The following AHI1 variants were observed in gnomAD, a reference collection of about 807,000 sequenced individuals.
AHI1 encodes Abelson helper integration site 1.
A neutral mutation model predicts 149.3 loss-of-function variants in AHI1; 123 were observed. The ratio of observed to expected loss-of-function variants is 0.82; its 90% confidence interval spans 0.71 to 0.96. The LOEUF is 0.96. Among genes scored for constraint, AHI1 ranks in the 40% least tolerant of loss-of-function variants. The pLI is 0.00. For missense variants in AHI1, 1,439 were observed against 1,422.7 expected (o/e 1.01, Z -0.18); for synonymous variants, 475 against 459.8 (o/e 1.03, Z -0.42).
intron 23 of AHI1, among the ~76,000 whole-genome samples, chr6:135,392,186 C>T (rs1778605070): frequency 6.6e-6 from 1 of 152,150 alleles, no homozygotes; most frequent in Non-Finnish European, 1.5e-5. Context: ...TTCCTGAAGG[C>T]AGAGACTGTA....
At chr6:135,423,824 C>T (rs1231072976) in intron 20 of AHI1, among the ~76,000 whole-genome samples, 1 of 152,068 alleles carries the variant, frequency 6.6e-6, no homozygotes. Flanking sequence ...TCAGTATTAA[C>T]TCTGGTTCAG....
chr6:135,460,630 G>C (rs1313504801), intron 8 of AHI1, among the ~76,000 whole-genome samples: 3 of 152,144 alleles, frequency 2.0e-5, no homozygotes, highest in African/African-American at 7.2e-5. Flanking sequence ...GAATAGCCTA[G>C]ACAATGCAGA....
chr6:135,388,172 G>T, intron 23 of AHI1: 1 of 891,538 alleles, frequency 1.1e-6, no homozygotes, highest in Non-Finnish European at 1.7e-6. Flanking sequence ...CTACAATAGT[G>T]AATTAATGCC....
At chr6:135,440,673 C>T (rs1425438017) in intron 14 of AHI1, among the ~76,000 whole-genome samples, 2 of 152,128 alleles carry the variant, frequency 1.3e-5, no homozygotes, top group Non-Finnish European at 2.9e-5. Context: ...GTAGACCTAT[C>T]CACTCAAGTA....
chr6:135,481,040 T>C (rs990933172), intron 5 of AHI1, among the ~76,000 whole-genome samples: 1 of 152,004 alleles, frequency 6.6e-6, no homozygotes, highest in Non-Finnish European at 1.5e-5. Flanking sequence ...GCCAAAAAGG[T>C]TGGGGACGGC....
chr6:135,417,894 T>C (rs1424750943), intron 20 of AHI1, among the ~76,000 whole-genome samples: 1 of 152,202 alleles, frequency 6.6e-6, no homozygotes, highest in East Asian at 1.9e-4. Context: ...CTATATAGAT[T>C]TCATTGTAAA....
intron 27 of AHI1, among the ~76,000 whole-genome samples, chr6:135,296,014 G>A (rs991895814): frequency 3.9e-5 from 6 of 152,082 alleles, no homozygotes; most frequent in South Asian, 2.1e-4. Flanking sequence ...CACCATGTCC[G>A]GCTAATTTTT....
At chr6:135,305,075 T>G (rs940018141) in intron 26 of AHI1, 34 of 152,154 alleles carry the variant, frequency 2.2e-4, no homozygotes, top group African/African-American at 8.0e-4. Flanking sequence ...CAATGAAGAC[T>G]GAAGAATGGG....
intron 20 of AHI1, among the ~76,000 whole-genome samples, chr6:135,421,929 A>G (rs1219166146): frequency 6.6e-6 from 1 of 152,212 alleles, no homozygotes; most frequent in Non-Finnish European, 1.5e-5. Flanking sequence ...ACTATTAGGT[A>G]TATTTTAATG....
intron 24 of AHI1, among the ~76,000 whole-genome samples, chr6:135,334,579 T>C (rs1789087544): frequency 6.6e-6 from 1 of 152,262 alleles, no homozygotes; most frequent in African/African-American, 2.4e-5. Flanking sequence ...ACAATTCACA[T>C]ACTTTATTAT....
At position 135,433,440 on chromosome 6, in the gene AHI1, CAT is replaced by C. The variant is rs144408389; in HGVS notation, c.2037-186_2037-185del. Among the ~76,000 whole-genome samples, 3,714 of 152,184 alleles carry C rather than the reference CAT, an allele frequency of 0.024. 64 individuals are homozygous for C. Among genetic ancestry groups the C allele is most frequent in the East Asian group, 0.054 (280 of 5,188 alleles). Reference sequence around the variant, plus strand: ...TCATATTTGATGACTGGAATTTTCACATGTGACAAAGTTATTTGTTATAGTTA... The same window carrying C: ...TCATATTTGATGACTGGAATTTTCACGTGACAAAGTTATTTGTTATAGTTA... On this transcript the variant is annotated intron_variant, in intron 15 of 28. Transcript: ENST00000265602.
rs901145291 is a variant in AHI1, at chr6:135,284,376, A to C, written c.*1269T>G. The C allele has an allele frequency of 6.6e-6, 1 of 152,288 alleles. No individual in the cohort carries two copies. The highest frequency in any genetic ancestry group is 1.9e-4 in the East Asian group (1 of 5,192). The allele number at this position is 152,288 out of a possible 1,614,324, so 9.4% of individuals were successfully genotyped here. ...CCCAACATTGTTTTTCTCACTTCTT[A>C]TTTTAATGGAATTGACTGTCTAATT... On this transcript the variant is annotated 3_prime_UTR_variant, in exon 29 of 29. Coordinates refer to ENST00000265602, the MANE Select transcript of AHI1 (RefSeq NM_001134831.2).
Position 135,323,222 on chromosome 6 carries a change from A to C in AHI1, c.3268T>G (p.Tyr1090Asp). The C allele has an allele frequency of 6.2e-7, 1 of 1,613,870 alleles. No homozygotes were observed. The highest frequency in any genetic ancestry group is 8.5e-7 in the Non-Finnish European group (1 of 1,179,818). Residue 1090 changes from tyrosine (Y) to aspartate (D), a missense_variant, in exon 25 of 29, where the codon TAT becomes GAT. Tyr to Asp is a radical substitution (Grantham distance 160). Transcript: ENST00000265602. ...VFFKDNEDWWYGSIGKGQEGY... is the reference protein window; with the variant it reads ...VFFKDNEDWWDGSIGKGQEGY... ...TCCTGTCCCTTTCCTATGCTGCCAT[A>C]CCACCAGTCTTCATTATCTTTGAAA...
At chr6:135,299,461 A>G (rs1783575683) in intron 27 of AHI1, among the ~76,000 whole-genome samples, 1 of 152,178 alleles carries the variant, frequency 6.6e-6, no homozygotes, top group Non-Finnish European at 1.5e-5. Flanking sequence ...GCACCCAGCA[A>G]TGTACGTGGG....
At position 135,365,805 on chromosome 6, in the gene AHI1, T is replaced by C. The variant is rs114087411; in HGVS notation, c.3110-7618A>G. On this transcript the variant is annotated intron_variant, in intron 23 of 28. Transcript: ENST00000265602. Reference sequence around the variant, plus strand: ...ACTGATTTGAATGTCCTTTATTTCTTTCCCTTGTGTGATTGCTATGGCTAG... The same window carrying C: ...ACTGATTTGAATGTCCTTTATTTCTCTCCCTTGTGTGATTGCTATGGCTAG... Among the ~76,000 whole-genome samples, 547 of 152,332 alleles carry C rather than the reference T, an allele frequency of 3.6e-3. 1 individual carries two copies. The highest frequency in any genetic ancestry group is 0.013 in the African/African-American group (527 of 41,570).
At chr6:135,414,970 C>T (rs186279640) in intron 20 of AHI1, among the ~76,000 whole-genome samples, 3 of 117,712 alleles carry the variant, frequency 2.5e-5, no homozygotes, top group African/African-American at 9.5e-5. Flanking sequence ...CCCCTCCCCC[C>T]ACCCCACAAC....
chr6:135,413,070 C>T (rs1198789001), intron 20 of AHI1, among the ~76,000 whole-genome samples: 3 of 152,106 alleles, frequency 2.0e-5, no homozygotes, highest in Non-Finnish European at 4.4e-5. Context: ...TGTCTCATGC[C>T]TTAATCCTGG....
chr6:135,404,968 G>A lies in AHI1; in HGVS notation c.2971C>T (p.Arg991Cys), dbSNP rs755780260. The A allele has an allele frequency of 6.8e-6, 11 of 1,607,424 alleles. No homozygotes were observed. In the East Asian group the frequency reaches 8.9e-5, roughly 13 times the overall value. ...QRLETVTEVI[R>C]SCAAKVNKNL... Reference sequence around the variant, plus strand: ...CTACTTACTTTTGCAGCACAGGAACGTATCACCTCCTAAAAGAAATACAAT... The same window carrying A: ...CTACTTACTTTTGCAGCACAGGAACATATCACCTCCTAAAAGAAATACAAT... Residue 991 changes from arginine (R) to cysteine (C), a missense_variant, in exon 22 of 29, where the codon CGT (arginine) becomes TGT (cysteine). Physicochemically the swap from Arg to Cys is radical, Grantham distance 180. Coordinates refer to ENST00000265602, the MANE Select transcript of AHI1 (RefSeq NM_001134831.2).
chr6:135,343,736 T>C (rs1467226302), intron 24 of AHI1, among the ~76,000 whole-genome samples: 1 of 151,332 alleles, frequency 6.6e-6, no homozygotes, highest in Non-Finnish European at 1.5e-5. Context: ...ACTCACACCA[T>C]CTACAAAAAT....
Sources: gnomAD v4.1 joint callset for allele counts (sites outside exome capture counted in the v4.1 genomes callset) on GRCh38, gnomAD v4.1.1 for gene constraint, MANE v1.5 for transcripts, NCBI Gene and HGNC (gene_info 2026-07-23, HGNC 2026-07-21) for gene names.